MGAT4A: variants seen among roughly 807,000 people sequenced by gnomAD.
MGAT4A encodes N-acetylglucosaminyltransferase IVa.
A neutral mutation model predicts 74.1 loss-of-function variants in MGAT4A; 33 were observed. The ratio of observed to expected loss-of-function variants is 0.45; its 90% CI spans 0.34 to 0.60. The LOEUF is 0.60. Ranked by LOEUF, MGAT4A falls within the 20% of genes least tolerant of loss-of-function variation. The probability of loss-of-function intolerance (pLI) is 0.02; values close to 1 mark genes in which losing one functional copy is unlikely to be tolerated. For missense variants in MGAT4A, 479 were observed against 628.3 expected, an observed-to-expected ratio of 0.76 and a Z score of 2.54; for synonymous variants, 198 against 210.4, an observed-to-expected ratio of 0.94 and a Z score of 0.51.
rs532948593 is a variant in MGAT4A, at chr2:98,645,890, AG to A, written c.775-349del. ...ATCACAGCAGAAGTTATGGGGAGGG[AG>A]GGGGAAAAAGAGAAGGAGGATATCA... On this transcript the variant is annotated intron_variant, in intron 8 of 15. Coordinates refer to ENST00000393487, the MANE Select transcript of MGAT4A (RefSeq NM_012214.3). Among the ~76,000 whole-genome samples the A allele has an allele frequency of 1.8e-3, 279 of 152,106 alleles. 1 individual carries two copies. Among genetic ancestry groups the A allele is most frequent in the African/African-American group, 5.8e-3 (241 of 41,510 alleles).
intron 2 of MGAT4A, among the ~76,000 whole-genome samples, chr2:98,710,755 C>T (rs992490270): frequency 2.0e-4 from 31 of 152,036 alleles, no homozygotes; most frequent in Non-Finnish European, 4.4e-4. Context: ...AGCTACTGTG[C>T]CCAGTAATTT....
Position 98,621,234 on chromosome 2 carries a change from G to T in MGAT4A, c.*4332C>A. 1 of 728,160 alleles carries T rather than the reference G, an allele frequency of 1.4e-6. No homozygotes were observed. Among genetic ancestry groups the T allele is most frequent in the Non-Finnish European group, 2.1e-6 (1 of 486,776 alleles). The allele number at this position is 728,160 out of a possible 1,614,324, so 45.1% of individuals were successfully genotyped here. ...CTCGGCTTAGGGTCTCACAAGGCTG[G>T]ATTCAAAGTGTTGGCCAGGCTGGGT... On this transcript the variant is annotated 3_prime_UTR_variant, in exon 16 of 16. Coordinates refer to ENST00000393487, the MANE Select transcript of MGAT4A (RefSeq NM_012214.3).
At chr2:98,654,644 A>G (rs1701632863) in intron 8 of MGAT4A, among the ~76,000 whole-genome samples, 1 of 152,178 alleles carries the variant, frequency 6.6e-6, no homozygotes, top group Non-Finnish European at 1.5e-5. Context: ...AAAGAAATCA[A>G]AGAAGATACA....
At chr2:98,690,682 A>G (rs1347117425) in intron 2 of MGAT4A, among the ~76,000 whole-genome samples, 1 of 152,228 alleles carries the variant, frequency 6.6e-6, no homozygotes, top group Non-Finnish European at 1.5e-5. Context: ...GCCAACACCA[A>G]GATGACGCAG....
At chr2:98,687,480 G>C (rs1169136849) in intron 2 of MGAT4A, among the ~76,000 whole-genome samples, 1 of 152,122 alleles carries the variant, frequency 6.6e-6, no homozygotes, top group South Asian at 2.1e-4. Flanking sequence ...GATATTCCTT[G>C]TATGACCTAT....
chr2:98,639,489 G>C (rs1701372449), intron 12 of MGAT4A, among the ~76,000 whole-genome samples: 1 of 151,696 alleles, frequency 6.6e-6, no homozygotes, highest in Non-Finnish European at 1.5e-5. Flanking sequence ...AATTTTCAAG[G>C]GACATACCAG....
chr2:98,700,616 C>T (rs1052356275), intron 2 of MGAT4A, among the ~76,000 whole-genome samples: 5 of 151,980 alleles, frequency 3.3e-5, no homozygotes, highest in Non-Finnish European at 7.4e-5. Flanking sequence ...GTTGGCTGGG[C>T]GCGGTGGCTC....
At chr2:98,697,933 A>T (rs1330891351) in intron 2 of MGAT4A, among the ~76,000 whole-genome samples, 6 of 152,226 alleles carry the variant, frequency 3.9e-5, no homozygotes, top group Non-Finnish European at 2.9e-5. Flanking sequence ...CACAAAAGTG[A>T]TTAGAAAGAG....
At chr2:98,659,566 G>T (rs11123746) in intron 5 of MGAT4A, among the ~76,000 whole-genome samples, 65,706 of 151,978 alleles carry the variant, frequency 0.43, 14,743 homozygotes, top group South Asian at 0.54. Context: ...TTCTGGGAGG[G>T]ACCCTGTGGA....
chr2:98,692,527 A>T (rs1301092503), intron 2 of MGAT4A, among the ~76,000 whole-genome samples: 1 of 151,846 alleles, frequency 6.6e-6, no homozygotes, highest in African/African-American at 2.4e-5. Flanking sequence ...CTTCACATTC[A>T]CTCCCCACTC....
rs1236869896 is a variant in MGAT4A at position 98,623,616 on chromosome 2, T to G, written c.*1950A>C. 1 of 984,976 alleles carries G rather than the reference T, an allele frequency of 1.0e-6. No individual in the cohort carries two copies. The highest frequency in any genetic ancestry group is 4.7e-5 in the South Asian group (1 of 21,282). The allele number at this position is 984,976 out of a possible 1,614,324, so 61.0% of individuals were successfully genotyped here. ...GAAAGTGAAAAGTAAATTTAAAACA[T>G]CCTAATAAAAAAATTTCAACTGGCC... On this transcript the variant is annotated 3_prime_UTR_variant, in exon 16 of 16. Coordinates refer to ENST00000393487, the MANE Select transcript of MGAT4A (RefSeq NM_012214.3).
chr2:98,643,789 A>C lies in MGAT4A; in HGVS notation c.1020+134T>G, dbSNP rs939301307. On this transcript the variant is annotated intron_variant, in intron 10 of 15. Transcript: ENST00000393487. The stretch of plus-strand genomic sequence containing the variant: ...CTATCTAAAAGTTCTTCTAATATAG[A>C]AACTTTTTATCAGCTCAGGAAAGAA... The C allele has an allele frequency of 4.8e-6, 4 of 841,430 alleles. No individual in the cohort carries two copies. In the African/African-American group the frequency reaches 7.0e-5, roughly 15 times the overall value. 52.1% of individuals were successfully genotyped at this position (841,430 alleles called of 1,614,324 possible).
At chr2:98,711,831 TCTTA>T (rs909899332) in intron 2 of MGAT4A, among the ~76,000 whole-genome samples, 5 of 151,964 alleles carry the variant, frequency 3.3e-5, no homozygotes, top group Non-Finnish European at 7.4e-5. Context: ...AGAGATGGAG[TCTTA>T]CTTTGTTGCC....
At chr2:98,650,481 A>G (rs769892870) in intron 8 of MGAT4A, among the ~76,000 whole-genome samples, 2 of 152,206 alleles carry the variant, frequency 1.3e-5, no homozygotes, top group South Asian at 2.1e-4. Context: ...CCTGAAAGCC[A>G]TAAGAGGAAA....
rs576511135 is a variant in MGAT4A, at chr2:98,623,332, G to A, written c.*2234C>T. On this transcript the variant is annotated 3_prime_UTR_variant, in exon 16 of 16. Transcript: ENST00000393487. ...GTTGTAACAAATCACACCAGGTGCT[G>A]CAATAACTTTCTCCTCCCTAGATTT... 21 of 985,456 alleles carry A rather than the reference G, an allele frequency of 2.1e-5. No individual in the cohort carries two copies. The highest frequency in any genetic ancestry group is 5.2e-4 in the Middle Eastern group (1 of 1,914). 61.0% of individuals were successfully genotyped at this position (985,456 alleles called of 1,614,324 possible). A position where few individuals can be genotyped will look rare whatever the true frequency, so the allele number is the denominator to read the frequency against.
At position 98,639,929 on chromosome 2, in the gene MGAT4A, T is replaced by A; in HGVS notation, c.1201A>T (p.Lys401Ter). 6.2e-7 allele frequency: 1 copy of A among 1,614,134 alleles called. No individual in the cohort carries two copies. Among genetic ancestry groups the A allele is most frequent in the Non-Finnish European group, 8.5e-7 (1 of 1,179,972 alleles). Residue 401 changes from lysine (K) to a stop codon, truncating the protein, a stop_gained, in exon 12 of 16, where the codon AAG becomes TAG. Coordinates refer to ENST00000393487, the MANE Select transcript of MGAT4A (RefSeq NM_012214.3). LOFTEE classifies it high-confidence loss of function. ...TCCAGCGTATGCCCTTGGTAGACCT[T>A]CAAGGAAGTAGATACCTCCGCAGGT... ...NPPAEVSTSL[K>*]VYQGHTLEKT...
At chr2:98,651,718 T>C (rs1321728116) in intron 8 of MGAT4A, among the ~76,000 whole-genome samples, 1 of 152,174 alleles carries the variant, frequency 6.6e-6, no homozygotes, top group Non-Finnish European at 1.5e-5. Context: ...TCTGTATTAG[T>C]AATCACTAAA....
intron 14 of MGAT4A, among the ~76,000 whole-genome samples, chr2:98,632,618 T>C (rs1230725979): frequency 6.6e-6 from 1 of 152,218 alleles, no homozygotes; most frequent in Non-Finnish European, 1.5e-5. Context: ...ACTACAGAGC[T>C]CTCTGTTCTT....
intron 2 of MGAT4A, among the ~76,000 whole-genome samples, chr2:98,681,353 A>C (rs894068957): frequency 6.6e-6 from 1 of 152,192 alleles, no homozygotes; most frequent in Non-Finnish European, 1.5e-5. Flanking sequence ...TAGAAGAATT[A>C]ATGTTTTTAA....
Sources: allele counts gnomAD v4.1 joint callset (sites outside exome capture counted in the v4.1 genomes callset), GRCh38; gene constraint gnomAD v4.1.1; transcripts MANE v1.5; gene names NCBI Gene and HGNC (gene_info 2026-07-23, HGNC 2026-07-21).